BBS9: variants seen among roughly 807,000 people sequenced by gnomAD.
BBS9 encodes the protein protein PTHB1.
Under a neutral mutation model 117.7 loss-of-function variants are expected in BBS9, and 89 were observed. The observed-to-expected ratio is 0.76, with a 90% CI of 0.64 to 0.90. The LOEUF (loss-of-function observed/expected upper bound fraction) is 0.90. BBS9 is among the 40% of genes least tolerant of loss of function. The probability of loss-of-function intolerance (pLI) is 0.00; values close to 1 mark genes in which losing one functional copy is unlikely to be tolerated. For missense variants in BBS9, 982 were observed against 1,042.2 expected (o/e 0.94, Z 0.80); for synonymous variants, 379 against 370.9 (o/e 1.02, Z -0.25).
At chr7:33,594,984 A>G (rs1862500442) in intron 21 of BBS9, among the ~76,000 whole-genome samples, 1 of 152,210 alleles carries the variant, frequency 6.6e-6, no homozygotes, top group Non-Finnish European at 1.5e-5. Flanking sequence ...AAAACTGGCT[A>G]GCCATACGCA....
chr7:33,450,947 G>A (rs1837736501), intron 19 of BBS9, among the ~76,000 whole-genome samples: 1 of 151,172 alleles, frequency 6.6e-6, no homozygotes, highest in African/African-American at 2.4e-5. Context: ...GGAGTGCAGT[G>A]GCGCGATCTC....
At chr7:33,531,564 A>G (rs1850584437) in intron 20 of BBS9, among the ~76,000 whole-genome samples, 1 of 152,206 alleles carries the variant, frequency 6.6e-6, no homozygotes, top group African/African-American at 2.4e-5. Flanking sequence ...GTCAGGATGG[A>G]GAAAAAACTT....
At chr7:33,404,350 C>G (rs1442144810) in intron 19 of BBS9, among the ~76,000 whole-genome samples, 3 of 152,034 alleles carry the variant, frequency 2.0e-5, no homozygotes, top group Non-Finnish European at 2.9e-5. Flanking sequence ...TCCATATGAA[C>G]TTTGAAGTAG....
At chr7:33,288,295 A>G (rs1803292527) in intron 9 of BBS9, among the ~76,000 whole-genome samples, 1 of 152,148 alleles carries the variant, frequency 6.6e-6, no homozygotes, top group Non-Finnish European at 1.5e-5. Flanking sequence ...CTTTTGCTCT[A>G]ACCTCAACCT....
At chr7:33,308,998 G>T (rs1325563876) in intron 9 of BBS9, among the ~76,000 whole-genome samples, 1 of 152,174 alleles carries the variant, frequency 6.6e-6, no homozygotes, top group Non-Finnish European at 1.5e-5. Context: ...TGGAATCAGA[G>T]TGAGCTTGGT....
intron 6 of BBS9, among the ~76,000 whole-genome samples, chr7:33,258,161 T>C (rs10254276): frequency 0.057 from 8,679 of 152,230 alleles, 329 homozygotes; most frequent in East Asian, 0.16. Context: ...AGAAATAGCC[T>C]TGGAGGTTTT....
intron 20 of BBS9, chr7:33,533,722 C>T (rs1850937799): frequency 1.8e-6 from 1 of 559,460 alleles, no homozygotes; most frequent in African/African-American, 1.9e-5. Context: ...CTGTTAACAT[C>T]CTCATTTGTA....
intron 9 of BBS9, among the ~76,000 whole-genome samples, chr7:33,279,919 A>G (rs764644446): frequency 9.2e-5 from 14 of 152,326 alleles, no homozygotes; most frequent in Non-Finnish European, 1.8e-4. Flanking sequence ...GAGATATCAA[A>G]TAAATATATC....
intron 21 of BBS9, among the ~76,000 whole-genome samples, chr7:33,612,902 T>A (rs939297625): frequency 4.6e-5 from 7 of 152,118 alleles, no homozygotes; most frequent in Non-Finnish European, 1.0e-4. Context: ...GAAAAGGTGC[T>A]TTCTGATCTG....
At chr7:33,596,034 A>C (rs1233203471) in intron 21 of BBS9, among the ~76,000 whole-genome samples, 4 of 151,926 alleles carry the variant, frequency 2.6e-5, no homozygotes. Flanking sequence ...GGTTGGAGGC[A>C]AGGGGAGGGA....
chr7:33,551,242 C>G (rs1025260160), intron 21 of BBS9, among the ~76,000 whole-genome samples: 2 of 152,128 alleles, frequency 1.3e-5, no homozygotes, highest in African/African-American at 4.8e-5. Context: ...AGTTGACTGC[C>G]GCTATAGTTA....
chr7:33,553,208 C>G (rs1180025723), intron 21 of BBS9, among the ~76,000 whole-genome samples: 1 of 152,096 alleles, frequency 6.6e-6, no homozygotes, highest in Non-Finnish European at 1.5e-5. Flanking sequence ...TGGACTTTTT[C>G]TTTATAGCTG....
At chr7:33,420,430 A>G (rs960795305) in intron 19 of BBS9, among the ~76,000 whole-genome samples, 4 of 152,148 alleles carry the variant, frequency 2.6e-5, no homozygotes, top group African/African-American at 4.8e-5. Flanking sequence ...TATTTTGGCA[A>G]TGAGGTCTGG....
chr7:33,364,372 C>G (rs943439423), intron 16 of BBS9, among the ~76,000 whole-genome samples: 2 of 151,958 alleles, frequency 1.3e-5, no homozygotes, highest in Non-Finnish European at 2.9e-5. Context: ...TTTACTCCAT[C>G]CCCCCACATT....
chr7:33,382,611 G>A (rs911658923), intron 17 of BBS9, among the ~76,000 whole-genome samples: 1 of 152,150 alleles, frequency 6.6e-6, no homozygotes, highest in Non-Finnish European at 1.5e-5. Flanking sequence ...AAGACACAAT[G>A]TTATGAGGCA....
intron 21 of BBS9, among the ~76,000 whole-genome samples, chr7:33,614,056 G>GA (rs1865013727): frequency 6.6e-6 from 1 of 152,076 alleles, no homozygotes; most frequent in African/African-American, 2.4e-5. Context: ...GAGCTGTCAT[G>GA]AAAAGCATGA....
At chr7:33,390,144 C>A in intron 19 of BBS9, 1 of 496,486 alleles carries the variant, frequency 2.0e-6, no homozygotes, top group Non-Finnish European at 2.6e-6. Flanking sequence ...ACTTTTCTTT[C>A]TCATTCTGGG....
intron 19 of BBS9, among the ~76,000 whole-genome samples, chr7:33,465,443 A>T (rs978394891): frequency 1.3e-5 from 2 of 152,098 alleles, no homozygotes; most frequent in Non-Finnish European, 2.9e-5. Flanking sequence ...TGCCCAAAGT[A>T]CTTTAGTTAA....
chr7:33,204,443 C>A (rs11769565), intron 5 of BBS9, among the ~76,000 whole-genome samples: 1 of 150,360 alleles, frequency 6.7e-6, no homozygotes, highest in Non-Finnish European at 1.5e-5. Flanking sequence ...GAAGGGATCA[C>A]TGATAGAAGT....
Sources: allele counts gnomAD v4.1 joint callset (sites outside exome capture counted in the v4.1 genomes callset), GRCh38; gene constraint gnomAD v4.1.1; transcripts MANE v1.5; gene names NCBI Gene and HGNC (gene_info 2026-07-23, HGNC 2026-07-21).